The following HMCN1 variants were observed in gnomAD, a reference collection of about 807,000 sequenced individuals.
The protein encoded by HMCN1 is hemicentin-1.
Under a neutral mutation model 625.9 loss-of-function variants are expected in HMCN1, and 321 were observed. The observed-to-expected ratio is 0.51, with a 90% CI of 0.47 to 0.56. HMCN1 has a LOEUF of 0.56. HMCN1 is among the 20% of genes least tolerant of loss of function. HMCN1 has a pLI of 0.00. For missense variants in HMCN1, 6,588 were observed against 6,887.3 expected, an observed-to-expected ratio of 0.96 and a Z score of 1.54; for synonymous variants, 2,425 against 2,417.6, an observed-to-expected ratio of 1.00 and a Z score of -0.09.
intron 36 of HMCN1, among the ~76,000 whole-genome samples, chr1:186,024,389 G>A (rs1571734159): frequency 6.6e-6 from 1 of 152,226 alleles, no homozygotes; most frequent in East Asian, 1.9e-4. Flanking sequence ...AGTATGCTGG[G>A]GGGGATTCTC....
chr1:186,076,629 A>T lies in HMCN1; in HGVS notation c.8485+7A>T. ...AAAGTATTGATTTTGCCAGGTAAAG[A>T]TTGATACCAACAGGGTGAAAAGCTG... On this transcript the variant is annotated splice_region_variant and intron_variant, in intron 54 of 106. Transcript: ENST00000271588. 1 of 1,611,336 alleles carries T rather than the reference A, an allele frequency of 6.2e-7. No homozygotes were observed. The highest frequency in any genetic ancestry group is 8.5e-7 in the Non-Finnish European group (1 of 1,178,910).
chr1:186,089,835 T>G (rs1038956435), intron 63 of HMCN1, among the ~76,000 whole-genome samples: 1 of 151,898 alleles, frequency 6.6e-6, no homozygotes, highest in Admixed American at 6.6e-5. Flanking sequence ...TGTGCAAAAG[T>G]GGTAAAATTA....
Position 186,065,291 on chromosome 1 carries a change from G to A in HMCN1, c.7567G>A (p.Asp2523Asn), listed in dbSNP as rs1237755486. The change falls in exon 49 of 107, where the codon GAT (aspartate) becomes AAT (asparagine). Residue 2523 changes from aspartate to asparagine, a missense_variant. Physicochemically the swap from Asp to Asn is conservative, Grantham distance 23. Coordinates refer to ENST00000271588, the MANE Select transcript of HMCN1 (RefSeq NM_031935.3). ...WHKDGQPLQE[D>N]EAHHIISGGR... is the part of the protein sequence containing the mutation. ...CAAAGATGGGCAGCCCCTCCAAGAA[G>A]ATGAAGCCCATCACATTATATCTGG... The A allele has an allele frequency of 3.1e-6, 5 of 1,612,668 alleles. No individual in the cohort carries two copies. In the African/African-American group the frequency reaches 4.0e-5, roughly 13 times the overall value.
intron 11 of HMCN1, among the ~76,000 whole-genome samples, chr1:185,941,257 G>C (rs578237680): frequency 6.6e-6 from 1 of 152,332 alleles, no homozygotes; most frequent in African/African-American, 2.4e-5. Flanking sequence ...TTGGTCTTCA[G>C]AATGGATTAC....
intron 100 of HMCN1, among the ~76,000 whole-genome samples, chr1:186,168,259 G>GA (rs935600777): frequency 6.4e-4 from 95 of 148,880 alleles, no homozygotes; most frequent in Middle Eastern, 3.4e-3. Context: ...GGAAGAGGAA[G>GA]AAAAAAAAAC....
rs35399359 is a variant in HMCN1 at position 186,024,386 on chromosome 1, T to TG, written c.5749+1240dup. 2.6e-5 allele frequency among the ~76,000 whole-genome samples: 4 copies of TG among 152,068 alleles called. No individual in the cohort carries two copies. In the East Asian group the frequency reaches 5.8e-4, roughly 22 times the overall value. ...CTTACACTTCCATCTAAGAGTATGC[T>TG]GGGGGGGATTCTCTCTTCTTTCTTA... On this transcript the variant is annotated intron_variant, in intron 36 of 106. Transcript: ENST00000271588.
chr1:186,179,850 G>A (rs924607696), intron 104 of HMCN1, among the ~76,000 whole-genome samples: 3 of 151,984 alleles, frequency 2.0e-5, no homozygotes, highest in Non-Finnish European at 2.9e-5. Flanking sequence ...AACCTTAGGT[G>A]GATTCATCTT....
chr1:185,854,252 G>A (rs1039862523), intron 2 of HMCN1, among the ~76,000 whole-genome samples: 1 of 152,074 alleles, frequency 6.6e-6, no homozygotes, highest in East Asian at 1.9e-4. Context: ...AACTGGGTAG[G>A]AGCAGTTAGT....
intron 43 of HMCN1, among the ~76,000 whole-genome samples, chr1:186,053,524 G>A (rs531858765): frequency 1.3e-4 from 19 of 151,990 alleles, no homozygotes; most frequent in Non-Finnish European, 2.5e-4. Context: ...ATATTAAAAA[G>A]TAACATTTTT....
At chr1:186,012,099 T>A (rs1263028107) in intron 30 of HMCN1, among the ~76,000 whole-genome samples, 1 of 146,770 alleles carries the variant, frequency 6.8e-6, no homozygotes, top group African/African-American at 2.4e-5. Context: ...AATACACCAT[T>A]TAACACTACT....
At chr1:186,096,015 A>T (rs1335116363) in intron 68 of HMCN1, among the ~76,000 whole-genome samples, 1 of 152,198 alleles carries the variant, frequency 6.6e-6, no homozygotes, top group Admixed American at 6.5e-5. Context: ...GCAACAGTTT[A>T]AAGAGAAAAC....
chr1:186,130,466 C>G, intron 84 of HMCN1, 41 bp from the exon 85 acceptor site: 1 of 1,565,080 alleles, frequency 6.4e-7, no homozygotes, highest in Non-Finnish European at 8.8e-7. Flanking sequence ...AAATTATCAG[C>G]ACTTACTTTT....
chr1:186,005,166 T>A (rs1370755085), intron 29 of HMCN1, among the ~76,000 whole-genome samples: 1 of 149,412 alleles, frequency 6.7e-6, no homozygotes, highest in Non-Finnish European at 1.5e-5. Flanking sequence ...AACAATTTTT[T>A]AATTGTTTAT....
chr1:185,890,114 T>C (rs1367613229), intron 4 of HMCN1, among the ~76,000 whole-genome samples: 2 of 151,876 alleles, frequency 1.3e-5, no homozygotes, highest in African/African-American at 4.9e-5. Context: ...GTTTGTAGTA[T>C]TCTCTGATGG....
At position 186,001,324 on chromosome 1, in the gene HMCN1, C is replaced by A. The variant is rs1376635685; in HGVS notation, c.4096C>A (p.Gln1366Lys). 6.2e-7 allele frequency: 1 copy of A among 1,611,770 alleles called. No individual in the cohort carries two copies. The highest frequency in any genetic ancestry group is 1.1e-5 in the South Asian group (1 of 91,038). The change falls in exon 27 of 107, where the codon CAA (glutamine) becomes AAA (lysine). Residue 1366 changes from glutamine (Q) to lysine (K), a missense_variant. Physicochemically the swap from Gln to Lys is moderately conservative, Grantham distance 53. This residue lies in a region of HMCN1 where 4,628 missense variants were observed against 4,853.1 expected (regional missense o/e 0.95). Coordinates refer to ENST00000271588, the MANE Select transcript of HMCN1 (RefSeq NM_031935.3). Reference protein sequence around the residue: ...HVPPVIKDKEQVTNVSVLLNQ... With the variant: ...HVPPVIKDKEKVTNVSVLLNQ... ...TCCTCCAGTAATTAAAGATAAAGAACAAGTTACAAATGTGTCGGTGTTGTT... is the reference window on the plus strand; with the variant it reads ...TCCTCCAGTAATTAAAGATAAAGAAAAAGTTACAAATGTGTCGGTGTTGTT...
intron 11 of HMCN1, among the ~76,000 whole-genome samples, chr1:185,935,699 A>C (rs1255941941): frequency 6.6e-6 from 1 of 152,160 alleles, no homozygotes; most frequent in Admixed American, 6.5e-5. Flanking sequence ...TTGAGTTTGA[A>C]GGGCCAATTT....
chr1:185,866,927 C>T (rs754086224), intron 4 of HMCN1, among the ~76,000 whole-genome samples: 9 of 151,634 alleles, frequency 5.9e-5, no homozygotes, highest in South Asian at 2.1e-4. Context: ...CATAGGTAAA[C>T]GTGTGCCATG....
At chr1:185,783,454 G>A (rs897514479) in intron 1 of HMCN1, among the ~76,000 whole-genome samples, 2 of 149,400 alleles carry the variant, frequency 1.3e-5, no homozygotes, top group African/African-American at 5.1e-5. Context: ...TTTCTGCTCT[G>A]TTTTTTCCCC....
At chr1:185,966,027 G>A (rs1650387075) in intron 14 of HMCN1, 112 bp downstream of exon 14, 6 of 738,136 alleles carry the variant, frequency 8.1e-6, no homozygotes, top group Admixed American at 4.0e-5. Context: ...CCCATAAAAT[G>A]TGTTTATGAT....
Sources: allele counts gnomAD v4.1 joint callset (sites outside exome capture counted in the v4.1 genomes callset), GRCh38; gene constraint gnomAD v4.1.1; regional missense constraint gnomAD v4.1.1; transcripts MANE v1.5; gene names NCBI Gene and HGNC (gene_info 2026-07-23, HGNC 2026-07-21).